VARS2: variants seen among roughly 807,000 people sequenced by gnomAD.
VARS2 encodes the protein valyl-tRNA synthetase 2, mitochondrial, also known as valine--tRNA ligase, mitochondrial.
Under a neutral mutation model 154.1 loss-of-function variants are expected in VARS2, and 105 were observed. The ratio of observed to expected loss-of-function variants is 0.68; its 90% CI spans 0.58 to 0.80. The LOEUF (loss-of-function observed/expected upper bound fraction) is 0.80. Among genes scored for constraint, VARS2 ranks in the 30% least tolerant of loss-of-function variants. The pLI is 0.00. For missense variants in VARS2, 1,157 were observed against 1,361.4 expected, an observed-to-expected ratio of 0.85 and a Z score of 2.36; for synonymous variants, 483 against 539.5, an observed-to-expected ratio of 0.90 and a Z score of 1.45.
At chr6:30,918,541 A>G (rs1021776877) in intron 10 of VARS2, among the ~76,000 whole-genome samples, 3 of 152,154 alleles carry the variant, frequency 2.0e-5, no homozygotes, top group African/African-American at 7.2e-5. Flanking sequence ...CCCAGCAAGA[A>G]TTCTATTATA....
intron 4 of VARS2, 137 bp downstream of exon 4, chr6:30,915,592 G>C (rs1794102369): frequency 6.9e-7 from 1 of 1,450,184 alleles, no homozygotes; most frequent in Non-Finnish European, 9.4e-7. Context: ...GATTTCTCTT[G>C]GCAGGTTCCC....
rs148288015 is a variant in VARS2 at position 30,915,284 on chromosome 6, C to G, written c.283+47C>G. 7.6e-5 allele frequency: 123 copies of G among 1,612,038 alleles called. 1 individual carries two copies. In the East Asian group the frequency reaches 2.7e-3, roughly 36 times the overall value. ...GCCTTTTCTTTCACATATGTGTTGC[C>G]CATTTGGCCTGCCGAAATGCAGCCT... On this transcript the variant is annotated intron_variant, in intron 3 of 29. Transcript: ENST00000676266.
intron 25 of VARS2, 194 bp from the exon 26 acceptor site, chr6:30,924,160 G>T (rs1794700657): frequency 9.8e-6 from 6 of 610,978 alleles, no homozygotes; most frequent in East Asian, 2.8e-5. Context: ...GTACTGCAGA[G>T]AATTGCTGTC....
Position 30,921,913 on chromosome 6 carries a change from T to C in VARS2, c.1736-12T>C, listed in dbSNP as rs1421162532. 3.7e-6 allele frequency: 6 copies of C among 1,613,022 alleles called. No homozygotes were observed. Among genetic ancestry groups the C allele is most frequent in the Admixed American group, 3.3e-5 (2 of 60,016 alleles). On this transcript the variant is annotated splice_polypyrimidine_tract_variant and intron_variant, in intron 18 of 29. Transcript: ENST00000676266. This position sits in a 1 kb window ranked among gnomAD's most constrained non-coding sequence, Gnocchi z 4.6. ...AGGTTCCAACTGTCCCCATTCTTTTTCTGTTTCCCAGATCCTGATGTCCTA... is the reference window on the plus strand; with the variant it reads ...AGGTTCCAACTGTCCCCATTCTTTTCCTGTTTCCCAGATCCTGATGTCCTA...
In VARS2 at chr6:30,916,607, G is replaced by A. The variant is rs946031963; in HGVS notation, c.672-271G>A. 1 of 531,884 alleles carries A rather than the reference G, an allele frequency of 1.9e-6. No homozygotes were observed. Among genetic ancestry groups the A allele is most frequent in the African/African-American group, 1.9e-5 (1 of 52,688 alleles). The allele number at this position is 531,884 out of a possible 1,614,324, so 32.9% of individuals were successfully genotyped here. ...GAATTACCCTCATTCTTCTGGGTCT[G>A]TTATCTCATGCCATCTCTGTGAAGC... On this transcript the variant is annotated intron_variant, in intron 7 of 29. Coordinates refer to ENST00000676266, the MANE Select transcript of VARS2 (RefSeq NM_020442.6). The surrounding 1 kb of genome is among the most constrained non-coding windows in gnomAD (Gnocchi z 4.0).
chr6:30,918,801 G>T (rs1794329247), intron 10 of VARS2, 26 bp from the exon 11 acceptor site: 1 of 1,607,150 alleles, frequency 6.2e-7, no homozygotes, highest in Non-Finnish European at 8.5e-7. Flanking sequence ...ATGACCAGCT[G>T]TAAGTGTTTA....
chr6:30,920,492 C>A lies in VARS2; in HGVS notation c.1397+56C>A. 1 of 1,516,532 alleles carries A rather than the reference C, an allele frequency of 6.6e-7. No individual in the cohort carries two copies. Among genetic ancestry groups the A allele is most frequent in the Non-Finnish European group, 8.9e-7 (1 of 1,124,436 alleles). 93.9% of individuals were successfully genotyped at this position (1,516,532 alleles called of 1,614,324 possible). On this transcript the variant is annotated intron_variant, in intron 14 of 29. Transcript: ENST00000676266. This position sits in a 1 kb window ranked among gnomAD's most constrained non-coding sequence, Gnocchi z 4.6. ...CTACCCCAAAAGGGAATGTATGGAGCTTAAGGGTGACAATAGGATGGGCTC... is the reference window on the plus strand; with the variant it reads ...CTACCCCAAAAGGGAATGTATGGAGATTAAGGGTGACAATAGGATGGGCTC...
Position 30,918,861 on chromosome 6 carries a change from G to A in VARS2, c.1020G>A (p.Glu340=). ...TTGTGGTAGGAACCACAAGGCCAGA[G>A]ACGCTGCCTGGAGATGTGGCTGTGG... is the stretch of plus-strand genomic sequence containing the variant. ...AEVVVGTTRP[E]TLPGDVAVAV... The change falls in exon 11 of 30, where the codon GAG becomes GAA. Residue 340 remains glutamate, a synonymous_variant. Coordinates refer to ENST00000676266, the MANE Select transcript of VARS2 (RefSeq NM_020442.6). 2 of 1,613,060 alleles carry A rather than the reference G, an allele frequency of 1.2e-6. No individual in the cohort carries two copies. Among genetic ancestry groups the A allele is most frequent in the Non-Finnish European group, 1.7e-6 (2 of 1,180,036 alleles).
chr6:30,926,417 G>A lies in VARS2; in HGVS notation c.*207G>A, dbSNP rs1794840717. ...TGCCCGGCCTGCCTCCCACCTGGAA[G>A]TCTGGGAATGAGGAGATTGAGATAA... On this transcript the variant is annotated 3_prime_UTR_variant, in exon 30 of 30. Transcript: ENST00000676266. 1 of 604,696 alleles carries A rather than the reference G, an allele frequency of 1.7e-6. No individual in the cohort carries two copies. The allele number at this position is 604,696 out of a possible 1,614,324, so 37.5% of individuals were successfully genotyped here.
In VARS2 at chr6:30,920,201, CG is replaced by C; in HGVS notation, c.1282del (p.Asp428ThrfsTer15). On this transcript the variant is annotated frameshift_variant, in exon 13 of 30. Transcript: ENST00000676266. LOFTEE classifies it high-confidence loss of function. The surrounding 1 kb of genome is among the most constrained non-coding windows in gnomAD (Gnocchi z 4.6). ...AGGATGGGACCATGACCTCCCTCTG[CG>C]GGGACTGGCTGCAGGTGGTACCACC... is the stretch of plus-strand genomic sequence containing the variant. ...AEDGTMTSLC[G>X]DWLQGLHRFV... The C allele has an allele frequency of 6.3e-7, 1 of 1,578,950 alleles. No homozygotes were observed. Among genetic ancestry groups the C allele is most frequent in the Non-Finnish European group, 8.6e-7 (1 of 1,161,602 alleles).
In VARS2 at chr6:30,920,057, G is replaced by A. The variant is rs753855733; in HGVS notation, c.1166-32G>A. ...CTGGAAAAGCAAAAGCCAAGGTCAG[G>A]TTCAGTACTCACCATGGCTGTGCTC... On this transcript the variant is annotated intron_variant, in intron 12 of 29. Coordinates refer to ENST00000676266, the MANE Select transcript of VARS2 (RefSeq NM_020442.6). This position sits in a 1 kb window ranked among gnomAD's most constrained non-coding sequence, Gnocchi z 4.6. 4.0e-6 allele frequency: 6 copies of A among 1,518,528 alleles called. No individual in the cohort carries two copies. The highest frequency in any genetic ancestry group is 2.2e-5 in the Admixed American group (1 of 46,010). 94.1% of individuals were successfully genotyped at this position (1,518,528 alleles called of 1,614,324 possible).
At chr6:30,915,476 G>T in intron 4 of VARS2, 21 bp downstream of exon 4, 1 of 1,609,668 alleles carries the variant, frequency 6.2e-7, no homozygotes, top group Non-Finnish European at 8.5e-7. Context: ...GGCAGGGAGG[G>T]GTCCTAAATT....
rs755005121 is a variant in VARS2 at position 30,916,022 on chromosome 6, C to G, written c.548C>G (p.Ser183Ter). 6.2e-7 allele frequency: 1 copy of G among 1,614,026 alleles called. No individual in the cohort carries two copies. Among genetic ancestry groups the G allele is most frequent in the South Asian group, 1.1e-5 (1 of 91,084 alleles). ...GATCAAGTGCTGTGGGTCCCTGGTT[C>G]AGATCATGCAGGAATTGCTACACAA... ...RGDQVLWVPG[S>*]DHAGIATQAV... The change falls in exon 6 of 30, where the codon TCA becomes TGA. Residue 183 changes from serine to a stop codon, truncating the protein, a stop_gained. Coordinates refer to ENST00000676266, the MANE Select transcript of VARS2 (RefSeq NM_020442.6). LOFTEE classifies it high-confidence loss of function. This position sits in a 1 kb window ranked among gnomAD's most constrained non-coding sequence, Gnocchi z 4.0.
In VARS2 at chr6:30,923,175, C is replaced by G. The variant is rs767770438; in HGVS notation, c.2257C>G (p.Leu753Val). The change falls in exon 24 of 30, where the codon CTT becomes GTT. Residue 753 changes from leucine to valine, a missense_variant. Physicochemically the swap from Leu to Val is conservative, Grantham distance 32 (BLOSUM62 1). Coordinates refer to ENST00000676266, the MANE Select transcript of VARS2 (RefSeq NM_020442.6). ...RHFCNKIWNA[L>V]RFILNALGEK... The stretch of plus-strand genomic sequence containing the variant: ...TTTCTGCAACAAGATCTGGAATGCT[C>G]TTCGCTTTATCCTCAATGCTTTAGG... 2.5e-6 allele frequency: 4 copies of G among 1,613,146 alleles called. No homozygotes were observed. The highest frequency in any genetic ancestry group is 3.3e-5 in the Admixed American group (2 of 60,028).
chr6:30,914,266 C>T lies in VARS2; in HGVS notation c.-106C>T. 1.2e-6 allele frequency: 1 copy of T among 866,428 alleles called. No homozygotes were observed. The highest frequency in any genetic ancestry group is 1.7e-5 in the African/African-American group (1 of 57,750). The allele number at this position is 866,428 out of a possible 1,614,324, so 53.7% of individuals were successfully genotyped here. A position where few individuals can be genotyped will look rare whatever the true frequency, so the allele number is the denominator to read the frequency against. ...CCCATGCGCCGCGCGGCTCCAGGGCCACGTTCCAGGGTCGGGTTTGGTGGA... is the reference window on the plus strand; with the variant it reads ...CCCATGCGCCGCGCGGCTCCAGGGCTACGTTCCAGGGTCGGGTTTGGTGGA... On this transcript the variant is annotated 5_prime_UTR_variant, in exon 1 of 30. Transcript: ENST00000676266.
rs914963244 is a variant in VARS2 at position 30,916,704 on chromosome 6, T to C, written c.672-174T>C. 2.0e-5 allele frequency: 13 copies of C among 641,794 alleles called. No homozygotes were observed. Among genetic ancestry groups the C allele is most frequent in the Admixed American group, 8.7e-5 (3 of 34,400 alleles). The allele number at this position is 641,794 out of a possible 1,614,324, so 39.8% of individuals were successfully genotyped here. On this transcript the variant is annotated intron_variant, in intron 7 of 29. Coordinates refer to ENST00000676266, the MANE Select transcript of VARS2 (RefSeq NM_020442.6). This position sits in a 1 kb window ranked among gnomAD's most constrained non-coding sequence, Gnocchi z 4.0. ...GAATCTTTTGCCTCTTTTAATATCT[T>C]AGAAAACCCCATACTGGGTTTGTAA... is the stretch of plus-strand genomic sequence containing the variant.
rs1305181361 is a variant in VARS2, at chr6:30,919,900, G to A, written c.1165+52G>A. The A allele has an allele frequency of 6.6e-7, 1 of 1,509,966 alleles. No homozygotes were observed. The highest frequency in any genetic ancestry group is 8.9e-7 in the Non-Finnish European group (1 of 1,122,890). The allele number at this position is 1,509,966 out of a possible 1,614,324, so 93.5% of individuals were successfully genotyped here. On this transcript the variant is annotated intron_variant, in intron 12 of 29. Coordinates refer to ENST00000676266, the MANE Select transcript of VARS2 (RefSeq NM_020442.6). This position sits in a 1 kb window ranked among gnomAD's most constrained non-coding sequence, Gnocchi z 4.5. The stretch of plus-strand genomic sequence containing the variant: ...AAAGTTGGGGGTCCTGGAGGAGAGG[G>A]GAGGGAACCAGGAGGAAGAGGAAGG...
Position 30,919,091 on chromosome 6 carries a change from G to T in VARS2, c.1074+176G>T. 1 of 610,022 alleles carries T rather than the reference G, an allele frequency of 1.6e-6. No individual in the cohort carries two copies. The highest frequency in any genetic ancestry group is 2.1e-5 in the South Asian group (1 of 47,890). 37.8% of individuals were successfully genotyped at this position (610,022 alleles called of 1,614,324 possible). On this transcript the variant is annotated intron_variant, in intron 11 of 29. Coordinates refer to ENST00000676266, the MANE Select transcript of VARS2 (RefSeq NM_020442.6). The surrounding 1 kb of genome is among the most constrained non-coding windows in gnomAD (Gnocchi z 4.5). ...ATAGTTTTTCTGTAGCTCAGGGGTT[G>T]ACAAACTGGCCCATGGTCCTAATCC...
At position 30,923,429 on chromosome 6, in the gene VARS2, T is replaced by C. The variant is rs1253252571; in HGVS notation, c.2390T>C (p.Phe797Ser). The C allele has an allele frequency of 6.2e-7, 1 of 1,612,310 alleles. No individual in the cohort carries two copies. Among genetic ancestry groups the C allele is most frequent in the Admixed American group, 1.7e-5 (1 of 60,024 alleles). Reference protein sequence around the residue: ...ALAAQECERGFLTRELSLVTH... With the variant: ...ALAAQECERGSLTRELSLVTH... ...GCTGCCCAGGAGTGTGAGCGGGGCT[T>C]CCTCACCCGAGAGCTCTCGCTCGTC... The change falls in exon 25 of 30, where the codon TTC (phenylalanine) becomes TCC (serine). Residue 797 changes from phenylalanine to serine, a missense_variant. Physicochemically the swap from Phe to Ser is radical, Grantham distance 155. Transcript: ENST00000676266.
Sources: gnomAD v4.1 joint callset for allele counts (sites outside exome capture counted in the v4.1 genomes callset) on GRCh38, gnomAD v4.1.1 for gene constraint, Gnocchi (gnomAD v3.1) non-coding constraint, MANE v1.5 for transcripts, NCBI Gene and HGNC (gene_info 2026-07-23, HGNC 2026-07-21) for gene names.